IL34: variants seen among roughly 807,000 people sequenced by gnomAD.
IL34 encodes the protein interleukin 34, also known as interleukin-34.
A neutral mutation model predicts 25.3 loss-of-function variants in IL34; 17 were observed. The ratio of observed to expected loss-of-function variants is 0.67; its 90% CI spans 0.46 to 1.01. IL34 has a LOEUF of 1.01. Ranked by LOEUF, IL34 falls within the 50% of genes least tolerant of loss-of-function variation. The probability of loss-of-function intolerance (pLI) is 0.00; values close to 1 mark genes in which losing one functional copy is unlikely to be tolerated. For missense variants in IL34, 368 were observed against 312.9 expected, an observed-to-expected ratio of 1.18 and a Z score of -1.33; for synonymous variants, 174 against 140.9, an observed-to-expected ratio of 1.23 and a Z score of -1.66.
intron 1 of IL34, among the ~76,000 whole-genome samples, chr16:70,650,473 G>A (rs891774531): frequency 2.0e-5 from 3 of 152,118 alleles, no homozygotes; most frequent in Non-Finnish European, 2.9e-5. Context: ...CACAGCTGCC[G>A]GGTCCCCAGG....
Position 70,659,648 on chromosome 16 carries a change from G to A in IL34, c.433G>A (p.Val145Met), listed in dbSNP as rs773227906. ...DVEVSPKVES[V>M]LSLLNAPGPN... The stretch of plus-strand genomic sequence containing the variant: ...GGAGGTCAGCCCCAAGGTGGAATCC[G>A]TGTTGTCCCTCTTGAATGCCCCAGG... Residue 145 changes from valine to methionine, a missense_variant, in exon 5 of 6, where the codon GTG becomes ATG. Coordinates refer to ENST00000288098, the MANE Select transcript of IL34 (RefSeq NM_001393494.1). 58 of 1,612,698 alleles carry A rather than the reference G, an allele frequency of 3.6e-5. No individual in the cohort carries two copies. The Middle Eastern group carries it at 5.3e-4, about 15-fold the overall frequency.
Position 70,654,665 on chromosome 16 carries a change from G to C in IL34, c.156G>C (p.Gln52His), listed in dbSNP as rs552925445. ...RDKLQYRSRL[Q>H]YMKHYFPINY... The stretch of plus-strand genomic sequence containing the variant: ...AGCTGCAGTACAGGAGCCGACTTCA[G>C]TACATGGTAACCACGTGGGCACCAG... Residue 52 changes from glutamine (Q) to histidine (H), a missense_variant, in exon 2 of 6, where the codon CAG becomes CAC. By Grantham distance (24) the Gln-to-His change is conservative (BLOSUM62 0). Transcript: ENST00000288098. 4.6e-5 allele frequency: 74 copies of C among 1,604,818 alleles called. No homozygotes were observed. Among genetic ancestry groups the C allele is most frequent in the Non-Finnish European group, 5.7e-5 (67 of 1,172,902 alleles).
chr16:70,640,226 T>C (rs2051749195), intron 1 of IL34, among the ~76,000 whole-genome samples: 2 of 152,102 alleles, frequency 1.3e-5, no homozygotes, highest in African/African-American at 4.8e-5. Context: ...ACTGCAGCCT[T>C]GGCCTCCTGG....
intron 1 of IL34, among the ~76,000 whole-genome samples, chr16:70,640,209 G>A (rs539300974): frequency 7.2e-5 from 11 of 152,122 alleles, no homozygotes; most frequent in East Asian, 3.9e-4. Flanking sequence ...TGGTGCCATC[G>A]TGGCTCACTG....
chr16:70,609,140 C>T (rs1011436752), intron 1 of IL34, among the ~76,000 whole-genome samples: 2 of 152,020 alleles, frequency 1.3e-5, no homozygotes, highest in Non-Finnish European at 2.9e-5. Flanking sequence ...TGCAGTGGTG[C>T]GATCTCAGCT....
chr16:70,583,001 G>A (rs930609049), intron 1 of IL34, among the ~76,000 whole-genome samples: 1 of 152,200 alleles, frequency 6.6e-6, no homozygotes, highest in Non-Finnish European at 1.5e-5. Flanking sequence ...GATGTAGGGA[G>A]CGGCGGAGTG....
At chr16:70,612,093 C>A (rs902215475) in intron 1 of IL34, among the ~76,000 whole-genome samples, 1 of 152,192 alleles carries the variant, frequency 6.6e-6, no homozygotes, top group Non-Finnish European at 1.5e-5. Flanking sequence ...AGCCCAAAGC[C>A]TGTCTCAGGC....
At chr16:70,654,315 G>A (rs1229890328) in intron 1 of IL34, 4 of 431,620 alleles carry the variant, frequency 9.3e-6, no homozygotes, top group Non-Finnish European at 1.6e-5. Flanking sequence ...GGCCGGCATG[G>A]GGTGGGTGTG....
At chr16:70,596,157 C>G (rs2050820448) in intron 1 of IL34, among the ~76,000 whole-genome samples, 1 of 152,162 alleles carries the variant, frequency 6.6e-6, no homozygotes, top group African/African-American at 2.4e-5. Context: ...TGTCTTTTCC[C>G]TGTAGCCTCA....
At chr16:70,615,916 G>A (rs1384704477) in intron 1 of IL34, among the ~76,000 whole-genome samples, 1 of 152,166 alleles carries the variant, frequency 6.6e-6, no homozygotes, top group African/African-American at 2.4e-5. Context: ...TGGCACCACT[G>A]CACTCCAGCG....
chr16:70,620,724 T>G (rs1196535017), intron 1 of IL34, among the ~76,000 whole-genome samples: 1 of 116,258 alleles, frequency 8.6e-6, no homozygotes, highest in African/African-American at 3.4e-5. Context: ...AAGAATTATT[T>G]AGATTTGCAG....
intron 1 of IL34, among the ~76,000 whole-genome samples, chr16:70,620,403 A>G (rs1291213702): frequency 1.3e-5 from 2 of 151,996 alleles, no homozygotes; most frequent in South Asian, 2.1e-4. Flanking sequence ...AGGGCTAGTC[A>G]CGCAACGAAA....
chr16:70,617,292 C>T (rs1279242722), intron 1 of IL34, among the ~76,000 whole-genome samples: 1 of 152,154 alleles, frequency 6.6e-6, no homozygotes, highest in Non-Finnish European at 1.5e-5. Context: ...TCAGTATAGT[C>T]CTGCCAGCAA....
intron 1 of IL34, among the ~76,000 whole-genome samples, chr16:70,639,100 C>T (rs770017255): frequency 6.6e-6 from 1 of 152,204 alleles, no homozygotes; most frequent in South Asian, 2.1e-4. Context: ...TGAGAACACT[C>T]CAGCTTGGGA....
At chr16:70,601,384 G>C (rs2050915357) in intron 1 of IL34, among the ~76,000 whole-genome samples, 1 of 152,054 alleles carries the variant, frequency 6.6e-6, no homozygotes, top group Non-Finnish European at 1.5e-5. Flanking sequence ...TGGGATTACA[G>C]GTGTGCCCCA....
chr16:70,659,689 G>T lies in IL34; in HGVS notation c.474G>T (p.Leu158=). Residue 158 remains leucine, a synonymous_variant, in exon 5 of 6, where the codon CTG becomes CTT. Transcript: ENST00000288098. ...LLNAPGPNLK[L]VRPKALLDNC... ...ATGCCCCAGGGCCAAACCTGAAGCT[G>T]GTGCGGCCCAAAGCCCTGCTGGACA... 1 of 1,612,742 alleles carries T rather than the reference G, an allele frequency of 6.2e-7. No homozygotes were observed. Among genetic ancestry groups the T allele is most frequent in the Non-Finnish European group, 8.5e-7 (1 of 1,179,514 alleles).
intron 1 of IL34, among the ~76,000 whole-genome samples, chr16:70,599,000 C>G (rs1021969965): frequency 6.6e-6 from 1 of 152,162 alleles, no homozygotes; most frequent in African/African-American, 2.4e-5. Context: ...AGATTAGAGG[C>G]ATTATCACTA....
intron 1 of IL34, among the ~76,000 whole-genome samples, chr16:70,598,571 T>A (rs1456561994): frequency 6.6e-6 from 1 of 152,028 alleles, no homozygotes; most frequent in East Asian, 1.9e-4. Flanking sequence ...AAACCCCGAC[T>A]CTATTAAAAA....
intron 1 of IL34, among the ~76,000 whole-genome samples, chr16:70,610,601 T>C (rs2051076241): frequency 6.6e-6 from 1 of 152,172 alleles, no homozygotes; most frequent in Non-Finnish European, 1.5e-5. Flanking sequence ...GTTAGGATAA[T>C]GTCGAGTGGC....
Sources: allele counts gnomAD v4.1 joint callset (sites outside exome capture counted in the v4.1 genomes callset), GRCh38; gene constraint gnomAD v4.1.1; transcripts MANE v1.5; gene names NCBI Gene and HGNC (gene_info 2026-07-23, HGNC 2026-07-21).